The following COL5A2 variants were observed in gnomAD, a reference collection of about 807,000 sequenced individuals.
The protein encoded by COL5A2 is collagen type V alpha 2 chain.
Under a neutral mutation model 208.2 loss-of-function variants are expected in COL5A2, and 23 were observed. That is an observed-to-expected ratio of 0.11 (90% CI 0.08 to 0.16). The LOEUF (loss-of-function observed/expected upper bound fraction) is 0.16, where lower values mean the gene tolerates loss of function less well. Ranked by LOEUF, COL5A2 falls within the 10% of genes least tolerant of loss-of-function variation. The pLI, the probability that COL5A2 is intolerant of heterozygous loss-of-function variation, is 1.00. For missense variants in COL5A2, 1,590 were observed against 1,956.4 expected (o/e 0.81, Z 3.53); for synonymous variants, 625 against 628.5 (o/e 0.99, Z 0.08).
chr2:189,037,031 A>G (rs2153506201), intron 51 of COL5A2, among the ~76,000 whole-genome samples: 1 of 152,290 alleles, frequency 6.6e-6, no homozygotes, highest in Middle Eastern at 3.4e-3. Context: ...GGCTCAAAAC[A>G]TCCATATGAA....
chr2:189,270,440 G>A, the COL5A2 span, among the ~76,000 whole-genome samples: 35 of 152,100 alleles, frequency 2.3e-4, no homozygotes, highest in African/African-American at 3.4e-4. Flanking sequence ...TGTTCTCACC[G>A]GTTTCAAAGA....
chr2:189,333,738 C>T, the COL5A2 span, among the ~76,000 whole-genome samples: 2 of 151,972 alleles, frequency 1.3e-5, no homozygotes, highest in African/African-American at 2.4e-5. Context: ...AGAAAGAGAA[C>T]TCACCAATCT....
chr2:189,354,206 A>T, the COL5A2 span, among the ~76,000 whole-genome samples: 5 of 152,144 alleles, frequency 3.3e-5, no homozygotes, highest in Admixed American at 3.3e-4. Flanking sequence ...GGATTTTCGC[A>T]TCGATGTTCA....
At chr2:189,425,544 T>C in the COL5A2 span, among the ~76,000 whole-genome samples, 1 of 152,218 alleles carries the variant, frequency 6.6e-6, no homozygotes, top group Non-Finnish European at 1.5e-5. Flanking sequence ...TGTCATTTAA[T>C]ACAACACGGA....
chr2:189,392,017 T>C, the COL5A2 span, among the ~76,000 whole-genome samples: 1,072 of 152,278 alleles, frequency 7.0e-3, 14 homozygotes, highest in African/African-American at 0.025. Context: ...TATTAAAACA[T>C]TTTGCCATGG....
At chr2:189,247,466 A>G in the COL5A2 span, among the ~76,000 whole-genome samples, 2 of 152,016 alleles carry the variant, frequency 1.3e-5, no homozygotes, top group African/African-American at 4.8e-5. Context: ...GAGAAACCCA[A>G]CATGACCACA....
the COL5A2 span, among the ~76,000 whole-genome samples, chr2:189,336,731 G>A: frequency 6.6e-6 from 1 of 152,134 alleles, no homozygotes; most frequent in African/African-American, 2.4e-5. Context: ...AGGAACACAG[G>A]GAGCATTCTG....
At chr2:189,255,951 G>T in the COL5A2 span, among the ~76,000 whole-genome samples, 1 of 152,142 alleles carries the variant, frequency 6.6e-6, no homozygotes, top group African/African-American at 2.4e-5. Flanking sequence ...TAGCTTAAAA[G>T]TACAAAGTGG....
the COL5A2 span, among the ~76,000 whole-genome samples, chr2:189,300,632 C>A: frequency 1.3e-5 from 2 of 152,156 alleles, no homozygotes; most frequent in Non-Finnish European, 2.9e-5. Context: ...CAGCCAGAGG[C>A]GGGACAGCCC....
chr2:189,140,500 C>T (rs1354497645), intron 1 of COL5A2, among the ~76,000 whole-genome samples: 1 of 152,052 alleles, frequency 6.6e-6, no homozygotes, highest in African/African-American at 2.4e-5. Flanking sequence ...CACCACTGTG[C>T]TTCAACAAAG....
the COL5A2 span, among the ~76,000 whole-genome samples, chr2:189,232,625 G>A: frequency 6.6e-6 from 1 of 151,612 alleles, no homozygotes; most frequent in Non-Finnish European, 1.5e-5. Flanking sequence ...TATGTCCCCC[G>A]CAAATTCACA....
the COL5A2 span, chr2:189,311,177 A>G: frequency 1.3e-6 from 1 of 799,856 alleles, no homozygotes; most frequent in Non-Finnish European, 2.0e-6. Context: ...CACTTTACAA[A>G]AATGTGGCCA....
chr2:189,222,485 A>G (rs1474902053), intron 1 of COL5A2, among the ~76,000 whole-genome samples: 4 of 152,172 alleles, frequency 2.6e-5, no homozygotes, highest in African/African-American at 9.6e-5. Context: ...GTCAATGAAA[A>G]GTATTTTCTA....
the COL5A2 span, among the ~76,000 whole-genome samples, chr2:189,244,769 T>C: frequency 6.6e-6 from 1 of 152,238 alleles, no homozygotes; most frequent in Admixed American, 6.5e-5. Context: ...GGGTATCTTT[T>C]CAGCAGCGCA....
At chr2:189,332,482 G>A in the COL5A2 span, among the ~76,000 whole-genome samples, 1 of 152,206 alleles carries the variant, frequency 6.6e-6, no homozygotes, top group Non-Finnish European at 1.5e-5. Context: ...CCCATGTGTT[G>A]TGGGAGGGAC....
At chr2:189,335,155 T>G in the COL5A2 span, among the ~76,000 whole-genome samples, 7 of 152,046 alleles carry the variant, frequency 4.6e-5, no homozygotes, top group Admixed American at 3.3e-4. Flanking sequence ...CTTCACGACC[T>G]TGAGGGTAGT....
the COL5A2 span, among the ~76,000 whole-genome samples, chr2:189,320,490 A>G: frequency 6.6e-6 from 1 of 152,252 alleles, no homozygotes; most frequent in Admixed American, 6.5e-5. Flanking sequence ...TGGGGCTGAA[A>G]ACCATGGCAC....
intron 1 of COL5A2, among the ~76,000 whole-genome samples, chr2:189,136,509 T>C (rs1387480923): frequency 6.5e-5 from 1 of 15,298 alleles, no homozygotes; most frequent in Non-Finnish European, 1.5e-4. Context: ...TTTTTTCTTT[T>C]TTATAAATAT....
At chr2:189,404,401 G>A in the COL5A2 span, among the ~76,000 whole-genome samples, 8 of 152,242 alleles carry the variant, frequency 5.3e-5, 1 homozygote, top group South Asian at 1.7e-3. Flanking sequence ...TAGCGCTCCT[G>A]TGTTTTGAGC....
Sources: allele counts gnomAD v4.1 joint callset (sites outside exome capture counted in the v4.1 genomes callset), GRCh38; gene constraint gnomAD v4.1.1; transcripts MANE v1.5; gene names NCBI Gene and HGNC (gene_info 2026-07-23, HGNC 2026-07-21).